Variants in PDLIM5 observed in about 807,000 individuals in gnomAD.
The protein encoded by PDLIM5 is PDZ and LIM domain 5, also known as PDZ and LIM domain protein 5.
Under a neutral mutation model 64.2 loss-of-function variants are expected in PDLIM5, and 34 were observed. The observed-to-expected ratio is 0.53, with a 90% confidence interval of 0.40 to 0.71. The LOEUF (loss-of-function observed/expected upper bound fraction) is 0.71, where lower values mean the gene tolerates loss of function less well. Among genes scored for constraint, PDLIM5 ranks in the 30% least tolerant of loss-of-function variants. The pLI is 0.00. For synonymous variants in PDLIM5, 253 were observed against 269.1 expected (o/e 0.94, Z 0.59); for missense variants, 683 against 733.6 (o/e 0.93, Z 0.80).
rs75855149 is a variant in PDLIM5, at chr4:94,623,916, C to T, written c.1108+5725C>T. On this transcript the variant is annotated intron_variant, in intron 8 of 12. Coordinates refer to ENST00000317968, the MANE Select transcript of PDLIM5 (RefSeq NM_006457.5). ...ATTTAACTCTCTTCAGAATTAAGAT[C>T]GTGAACATGAGCAGTACCATAACTA... Among the ~76,000 whole-genome samples the T allele has an allele frequency of 9.2e-4, 140 of 152,198 alleles. 2 individuals are homozygous for T. In the East Asian group the frequency reaches 0.025, roughly 27 times the overall value.
chr4:94,471,185 A>G lies in PDLIM5; in HGVS notation c.96+15801A>G, dbSNP rs6532488. Among the ~76,000 whole-genome samples the G allele has an allele frequency of 9.1e-3, 1,392 of 152,304 alleles. 25 individuals are homozygous for G. Among genetic ancestry groups the G allele is most frequent in the African/African-American group, 0.031 (1,294 of 41,566 alleles). Reference sequence around the variant, plus strand: ...CAGCCAAACCATATCAATATTCAAGATCAGCTTTTTATAAATTCAGGGTAG... The same window carrying G: ...CAGCCAAACCATATCAATATTCAAGGTCAGCTTTTTATAAATTCAGGGTAG... On this transcript the variant is annotated intron_variant, in intron 2 of 12. Coordinates refer to ENST00000317968, the MANE Select transcript of PDLIM5 (RefSeq NM_006457.5).
intron 2 of PDLIM5, among the ~76,000 whole-genome samples, chr4:94,496,914 T>C (rs1484281324): frequency 6.6e-6 from 1 of 152,194 alleles, no homozygotes; most frequent in Non-Finnish European, 1.5e-5. Flanking sequence ...GTTCCAGAAA[T>C]ATTGGATTTA....
chr4:94,539,735 G>T (rs1290011932), intron 3 of PDLIM5, among the ~76,000 whole-genome samples: 1 of 152,182 alleles, frequency 6.6e-6, no homozygotes, highest in East Asian at 1.9e-4. Context: ...TATAGAATTT[G>T]CTAGGTGGTT....
intron 7 of PDLIM5, among the ~76,000 whole-genome samples, chr4:94,615,146 A>C (rs1437727674): frequency 2.6e-5 from 4 of 152,162 alleles, no homozygotes; most frequent in Non-Finnish European, 5.9e-5. Context: ...GTATTTTTAT[A>C]CCATTTTACA....
intron 7 of PDLIM5, chr4:94,610,196 T>A: frequency 6.6e-7 from 1 of 1,525,628 alleles, no homozygotes; most frequent in Non-Finnish European, 8.8e-7. Flanking sequence ...GAAGATTCTT[T>A]CGAAGGTTTT....
chr4:94,654,405 G>A (rs1228554933), intron 9 of PDLIM5, 55 bp from the exon 10 acceptor site: 13 of 1,165,328 alleles, frequency 1.1e-5, no homozygotes, highest in South Asian at 8.9e-5. Flanking sequence ...CCATATCCAG[G>A]CTAACTCTAG....
At chr4:94,624,309 C>A (rs1167721861) in intron 8 of PDLIM5, among the ~76,000 whole-genome samples, 1 of 151,148 alleles carries the variant, frequency 6.6e-6, no homozygotes, top group Non-Finnish European at 1.5e-5. Context: ...CAGAGCTAGA[C>A]CCCCATCTAA....
At chr4:94,471,048 A>C (rs116142029) in intron 2 of PDLIM5, among the ~76,000 whole-genome samples, 1 of 152,096 alleles carries the variant, frequency 6.6e-6, no homozygotes, top group African/African-American at 2.4e-5. Flanking sequence ...TTTCACTATC[A>C]TGAGAGCAGC....
intron 7 of PDLIM5, chr4:94,610,258 A>C: frequency 6.6e-7 from 1 of 1,519,446 alleles, no homozygotes; most frequent in Non-Finnish European, 8.8e-7. Context: ...TGCAGTTCTG[A>C]GCAGCGCAGC....
Position 94,575,788 on chromosome 4 carries a change from C to T in PDLIM5, c.464C>T (p.Ala155Val), listed in dbSNP as rs376940621. 100 of 1,613,950 alleles carry T rather than the reference C, an allele frequency of 6.2e-5. No homozygotes were observed. The East Asian group carries it at 8.5e-4, about 14-fold the overall frequency. The change falls in exon 5 of 13, where the codon GCG becomes GTG. Residue 155 changes from alanine (A) to valine (V), a missense_variant. Physicochemically the swap from Ala to Val is moderately conservative, Grantham distance 64. Coordinates refer to ENST00000317968, the MANE Select transcript of PDLIM5 (RefSeq NM_006457.5). ...TCGTCTGCCTTCACCCCAGCCCATG[C>T]GACCACCTCATCACATGCTTCCCCT... ...SPSSAFTPAH[A>V]TTSSHASPSP...
intron 5 of PDLIM5, chr4:94,585,056 A>C (rs1736049568): frequency 1.1e-6 from 1 of 945,934 alleles, no homozygotes; most frequent in Non-Finnish European, 1.6e-6. Flanking sequence ...TTAACATTAT[A>C]AGTGCAGTTT....
intron 3 of PDLIM5, among the ~76,000 whole-genome samples, chr4:94,559,190 C>G (rs1325387328): frequency 6.6e-6 from 1 of 152,150 alleles, no homozygotes; most frequent in Non-Finnish European, 1.5e-5. Context: ...ATTTCGGAAA[C>G]TAGTTTCTTA....
intron 2 of PDLIM5, among the ~76,000 whole-genome samples, chr4:94,494,429 C>CTTTTTTTTT (rs1261064734): frequency 1.9e-5 from 1 of 51,590 alleles, no homozygotes; most frequent in African/African-American, 4.8e-5. Context: ...TTTTTTTTTT[C>CTTTTTTTTT]TTGTTTTTTT....
chr4:94,635,897 C>T (rs1740521115), intron 8 of PDLIM5, among the ~76,000 whole-genome samples: 3 of 152,328 alleles, frequency 2.0e-5, no homozygotes, highest in South Asian at 4.1e-4. Context: ...ATTAATAGAG[C>T]TTGTGTAGCT....
chr4:94,652,416 G>A (rs534059362), intron 9 of PDLIM5, among the ~76,000 whole-genome samples: 4 of 152,254 alleles, frequency 2.6e-5, no homozygotes, highest in East Asian at 1.9e-4. Flanking sequence ...TTTTTCATGC[G>A]TGTATAACCA....
intron 7 of PDLIM5, chr4:94,588,251 G>C (rs759344055): frequency 1.1e-6 from 1 of 885,926 alleles, no homozygotes; most frequent in Non-Finnish European, 1.4e-6. Context: ...AACTTTGTGA[G>C]GTTACTAAAA....
At chr4:94,640,684 A>G (rs1452070414) in intron 9 of PDLIM5, among the ~76,000 whole-genome samples, 1 of 152,220 alleles carries the variant, frequency 6.6e-6, no homozygotes, top group Non-Finnish European at 1.5e-5. Flanking sequence ...GTTATCAGTT[A>G]TCAATTCCTA....
intron 8 of PDLIM5, among the ~76,000 whole-genome samples, chr4:94,624,112 C>A: frequency 6.6e-6 from 1 of 150,988 alleles, no homozygotes. Context: ...GGGTTTGAGA[C>A]CAGCCTGGGC....
intron 11 of PDLIM5, among the ~76,000 whole-genome samples, chr4:94,661,068 A>G (rs941682749): frequency 6.6e-6 from 1 of 152,130 alleles, no homozygotes; most frequent in African/African-American, 2.4e-5. Flanking sequence ...TGGGCAAGAG[A>G]GCGAGACTCT....
Sources: gnomAD v4.1 joint callset for allele counts (sites outside exome capture counted in the v4.1 genomes callset) on GRCh38, gnomAD v4.1.1 for gene constraint, MANE v1.5 for transcripts, NCBI Gene and HGNC (gene_info 2026-07-23, HGNC 2026-07-21) for gene names.